DNAH6: variants seen among roughly 807,000 people sequenced by gnomAD.
DNAH6 encodes axonemal beta dynein heavy chain 6.
Under a neutral mutation model 491.4 loss-of-function variants are expected in DNAH6, and 340 were observed. That is an observed-to-expected ratio of 0.69 (90% confidence interval 0.63 to 0.76). The LOEUF (loss-of-function observed/expected upper bound fraction) is 0.76. Among genes scored for constraint, DNAH6 ranks in the 30% least tolerant of loss-of-function variants. The pLI is 0.00. For missense variants in DNAH6, 4,443 were observed against 4,972.2 expected (o/e 0.89, Z 3.20); for synonymous variants, 1,603 against 1,686.1 (o/e 0.95, Z 1.21).
rs748597116 is a variant in DNAH6, at chr2:84,787,210, T to A, written c.11147T>A (p.Phe3716Tyr). 3.9e-6 allele frequency: 6 copies of A among 1,541,804 alleles called. No homozygotes were observed. In the African/African-American group the frequency reaches 6.9e-5, roughly 18 times the overall value. The change falls in exon 68 of 77, where the codon TTT (phenylalanine) becomes TAT (tyrosine). Residue 3716 changes from phenylalanine to tyrosine, a missense_variant. By Grantham distance (22) the Phe-to-Tyr change is conservative. Coordinates refer to ENST00000389394, the MANE Select transcript of DNAH6 (RefSeq NM_001370.2). ...GPLGWNICYE[F>Y]NDSDRECALL... ...CTTGGTTGGAATATCTGCTATGAATTTAATGACAGTGACAGGGAATGTGCT... is the reference window on the plus strand; with the variant it reads ...CTTGGTTGGAATATCTGCTATGAATATAATGACAGTGACAGGGAATGTGCT...
chr2:84,602,982 C>CATTGCTT (rs1685410708), intron 18 of DNAH6, among the ~76,000 whole-genome samples: 2 of 151,988 alleles, frequency 1.3e-5, no homozygotes, highest in East Asian at 3.9e-4. Context: ...TTTTCCACCT[C>CATTGCTT]TCTGTTGACA....
At chr2:84,700,442 C>T (rs902475881) in intron 48 of DNAH6, among the ~76,000 whole-genome samples, 1 of 152,140 alleles carries the variant, frequency 6.6e-6, no homozygotes, top group East Asian at 1.9e-4. Flanking sequence ...GTAGGATCAT[C>T]AGCTGAGAGT....
chr2:84,553,815 A>G (rs1679759468), intron 10 of DNAH6, among the ~76,000 whole-genome samples: 2 of 151,924 alleles, frequency 1.3e-5, no homozygotes, highest in South Asian at 4.2e-4. Flanking sequence ...GCTGGAACTG[A>G]GAGAATTTTG....
intron 1 of DNAH6, among the ~76,000 whole-genome samples, chr2:84,517,036 T>C (rs1675665122): frequency 6.6e-6 from 1 of 152,216 alleles, no homozygotes; most frequent in Non-Finnish European, 1.5e-5. Flanking sequence ...ATGCTATTGC[T>C]TGAAAATTAA....
At chr2:84,669,235 T>C in intron 37 of DNAH6, 54 bp from the exon 38 acceptor site, 1 of 1,317,800 alleles carries the variant, frequency 7.6e-7, no homozygotes, top group Non-Finnish European at 1.1e-6. Flanking sequence ...TCTACTACTG[T>C]GTGTCAATAT....
intron 59 of DNAH6, among the ~76,000 whole-genome samples, chr2:84,718,744 A>G (rs1697796654): frequency 6.6e-6 from 1 of 152,252 alleles, no homozygotes; most frequent in Admixed American, 6.5e-5. Flanking sequence ...CAGAACTTCT[A>G]TAGTGTCTTA....
At chr2:84,720,021 T>C (rs2104918606) in intron 59 of DNAH6, among the ~76,000 whole-genome samples, 2 of 152,188 alleles carry the variant, frequency 1.3e-5, no homozygotes, top group Middle Eastern at 3.4e-3. Flanking sequence ...CTTTAAGTAT[T>C]TGGGGTCTGA....
chr2:84,633,281 A>C (rs948169194), intron 29 of DNAH6, among the ~76,000 whole-genome samples: 4 of 152,128 alleles, frequency 2.6e-5, no homozygotes, highest in Admixed American at 2.0e-4. Flanking sequence ...CCCAAGCCTA[A>C]TATCGTCTCC....
chr2:84,637,098 G>A, intron 30 of DNAH6, 112 bp from the exon 31 acceptor site: 1 of 838,938 alleles, frequency 1.2e-6, no homozygotes, highest in Non-Finnish European at 1.8e-6. Flanking sequence ...ATGGTATTCA[G>A]TAGTCTTTGC....
chr2:84,699,024 A>G (rs1054249650), intron 47 of DNAH6, among the ~76,000 whole-genome samples: 4 of 152,170 alleles, frequency 2.6e-5, no homozygotes, highest in African/African-American at 9.7e-5. Flanking sequence ...ACGCAGAATA[A>G]AAGAGCACAG....
chr2:84,529,396 T>C (rs1265535960), intron 4 of DNAH6, among the ~76,000 whole-genome samples: 1 of 152,140 alleles, frequency 6.6e-6, no homozygotes, highest in Non-Finnish European at 1.5e-5. Flanking sequence ...CTCATATATT[T>C]ATGTAATGTT....
At chr2:84,552,865 T>G in intron 9 of DNAH6, 53 bp from the exon 10 acceptor site, 1 of 1,048,314 alleles carries the variant, frequency 9.5e-7, no homozygotes. Flanking sequence ...TTTTATTTTG[T>G]TTTAGACCTT....
intron 62 of DNAH6, among the ~76,000 whole-genome samples, chr2:84,740,095 T>C (rs565653379): frequency 1.2e-4 from 18 of 152,172 alleles, no homozygotes; most frequent in Non-Finnish European, 2.2e-4. Context: ...GACTGTGATG[T>C]ATATTGTGTA....
At chr2:84,593,560 G>A (rs956527909) in intron 16 of DNAH6, among the ~76,000 whole-genome samples, 1 of 152,052 alleles carries the variant, frequency 6.6e-6, no homozygotes, top group Non-Finnish European at 1.5e-5. Flanking sequence ...ACCAGCTACC[G>A]CACAGTCATC....
At chr2:84,754,030 G>A (rs1673747784) in intron 63 of DNAH6, among the ~76,000 whole-genome samples, 1 of 151,550 alleles carries the variant, frequency 6.6e-6, no homozygotes, top group Non-Finnish European at 1.5e-5. Context: ...TACCATGTTG[G>A]CCAGAATGGT....
At chr2:84,727,360 T>C (rs915765789) in intron 60 of DNAH6, among the ~76,000 whole-genome samples, 1 of 152,162 alleles carries the variant, frequency 6.6e-6, no homozygotes, top group Non-Finnish European at 1.5e-5. Context: ...CTCAATGTTG[T>C]GGATAGGTTC....
chr2:84,687,970 C>T (rs766254895), intron 44 of DNAH6, among the ~76,000 whole-genome samples: 1 of 152,172 alleles, frequency 6.6e-6, no homozygotes, highest in Non-Finnish European at 1.5e-5. Context: ...CGCAGTGTCT[C>T]ACACCTGTAA....
chr2:84,494,516 G>T, the DNAH6 span, among the ~76,000 whole-genome samples: 1 of 151,924 alleles, frequency 6.6e-6, no homozygotes, highest in Non-Finnish European at 1.5e-5. Flanking sequence ...TATCATACAC[G>T]GACTAAAGAA....
At chr2:84,754,383 G>T (rs541286851) in intron 63 of DNAH6, among the ~76,000 whole-genome samples, 92 of 151,466 alleles carry the variant, frequency 6.1e-4, no homozygotes, top group African/African-American at 2.0e-3. Flanking sequence ...ATTTCACCAT[G>T]TTGGCCAGGC....
Sources: gnomAD v4.1 joint callset for allele counts (sites outside exome capture counted in the v4.1 genomes callset) on GRCh38, gnomAD v4.1.1 for gene constraint, MANE v1.5 for transcripts, NCBI Gene and HGNC (gene_info 2026-07-23, HGNC 2026-07-21) for gene names.